The following IPO11 variants were observed in gnomAD, a reference collection of about 807,000 sequenced individuals.
The protein encoded by IPO11 is importin-11.
In IPO11, 66 loss-of-function variants were observed where a neutral mutation model predicts 143.2. The ratio of observed to expected loss-of-function variants is 0.46; its 90% CI spans 0.38 to 0.57. The LOEUF is 0.57. IPO11 is among the 20% of genes least tolerant of loss of function. The pLI, the probability that IPO11 is intolerant of heterozygous loss-of-function variation, is 0.00. For synonymous variants in IPO11, 385 were observed against 377.8 expected (o/e 1.02, Z -0.22); for missense variants, 1,026 against 1,141.0 (o/e 0.90, Z 1.45).
intron 7 of IPO11, among the ~76,000 whole-genome samples, chr5:62,473,270 A>T (rs1238574624): frequency 6.6e-6 from 1 of 152,162 alleles, no homozygotes; most frequent in Non-Finnish European, 1.5e-5. Flanking sequence ...ATAAAGGAAG[A>T]CTGGAAACAT....
intron 28 of IPO11, among the ~76,000 whole-genome samples, chr5:62,601,076 A>G (rs1237722695): frequency 6.6e-6 from 1 of 152,224 alleles, no homozygotes; most frequent in Non-Finnish European, 1.5e-5. Context: ...ATGCTGATAA[A>G]TTACTGAATT....
intron 20 of IPO11, among the ~76,000 whole-genome samples, chr5:62,525,711 A>G (rs1024542714): frequency 7.9e-5 from 12 of 152,166 alleles, no homozygotes; most frequent in Admixed American, 3.9e-4. Context: ...TGGCTTTTCA[A>G]TATTCTTGAA....
rs960028954 is a variant in IPO11 at position 62,418,163 on chromosome 5, G to T, written c.-7+5234G>T. On this transcript the variant is annotated intron_variant, in intron 1 of 29. Transcript: ENST00000325324. ...GCACTACCATGCCCACGCCTGCCTA[G>T]TTTTTTTTTTTTTTTCTTTGAGAGA... is the stretch of plus-strand genomic sequence containing the variant. Among the ~76,000 whole-genome samples, 873 of 144,398 alleles carry T rather than the reference G, an allele frequency of 6.0e-3. 2 individuals are homozygous for T. Among genetic ancestry groups the T allele is most frequent in the Non-Finnish European group, 9.2e-3 (602 of 65,784 alleles). The allele number at this position is 144,398 out of a possible 152,430, so 94.7% of individuals were successfully genotyped here. A position where few individuals can be genotyped will look rare whatever the true frequency, so the allele number is the denominator to read the frequency against.
chr5:62,443,166 G>C (rs1744560132), intron 3 of IPO11, 83 bp downstream of exon 3: 1 of 826,242 alleles, frequency 1.2e-6, no homozygotes, highest in African/African-American at 1.8e-5. Context: ...TTATGTAAAA[G>C]GATGTGTTAG....
intron 26 of IPO11, among the ~76,000 whole-genome samples, chr5:62,559,934 AAAAAAAAAG>A (rs1314168715): frequency 2.9e-4 from 41 of 141,912 alleles, no homozygotes; most frequent in East Asian, 7.8e-4. Flanking sequence ...AAAAAAAAAA[AAAAAAAAAG>A]AGAGAGAAAA....
chr5:62,576,733 T>C (rs2112394167), intron 27 of IPO11, among the ~76,000 whole-genome samples: 1 of 152,306 alleles, frequency 6.6e-6, no homozygotes, highest in East Asian at 1.9e-4. Context: ...TGGTGAGCTG[T>C]ACTCACATTG....
chr5:62,526,110 C>T, intron 20 of IPO11, 32 bp from the exon 21 acceptor site: 1 of 1,425,810 alleles, frequency 7.0e-7, no homozygotes, highest in East Asian at 2.3e-5. Flanking sequence ...ATTAGAGTGT[C>T]TTATTATAAG....
intron 7 of IPO11, among the ~76,000 whole-genome samples, chr5:62,471,429 A>G (rs1745770058): frequency 6.6e-6 from 1 of 152,168 alleles, no homozygotes. Flanking sequence ...TGTGATGGTT[A>G]TTTCATTTTA....
chr5:62,531,550 G>A (rs963510891), intron 22 of IPO11, among the ~76,000 whole-genome samples: 10 of 152,026 alleles, frequency 6.6e-5, no homozygotes, highest in Admixed American at 6.6e-4. Flanking sequence ...GGCTGGTCTC[G>A]AACTCCTGAC....
At chr5:62,460,676 AG>A (rs1341174607) in intron 5 of IPO11, among the ~76,000 whole-genome samples, 3 of 152,224 alleles carry the variant, frequency 2.0e-5, no homozygotes, top group African/African-American at 7.2e-5. Flanking sequence ...AACAGTCAGT[AG>A]GTGGCACTGT....
intron 27 of IPO11, chr5:62,580,260 A>G (rs1744499111): frequency 1.7e-5 from 27 of 1,543,982 alleles, no homozygotes; most frequent in Non-Finnish European, 2.2e-5. Flanking sequence ...GGTTTAGTGG[A>G]ATTAATAATC....
chr5:62,485,291 T>A, intron 11 of IPO11, 128 bp from the exon 12 acceptor site: 1 of 701,368 alleles, frequency 1.4e-6, no homozygotes, highest in Non-Finnish European at 2.5e-6. Flanking sequence ...AAGGCCTGTG[T>A]TCCCAAGGCT....
At chr5:62,617,331 T>G (rs1257236928) in intron 29 of IPO11, among the ~76,000 whole-genome samples, 1 of 152,240 alleles carries the variant, frequency 6.6e-6, no homozygotes, top group Non-Finnish European at 1.5e-5. Flanking sequence ...CTGAATCACC[T>G]GGTGTCCACA....
At chr5:62,436,555 A>G (rs1271644040) in intron 1 of IPO11, among the ~76,000 whole-genome samples, 2 of 152,246 alleles carry the variant, frequency 1.3e-5, no homozygotes, top group African/African-American at 4.8e-5. Context: ...GGGTGATTAG[A>G]AACAGAATCC....
intron 19 of IPO11, among the ~76,000 whole-genome samples, chr5:62,511,704 A>G (rs112241662): frequency 6.6e-6 from 1 of 152,194 alleles, no homozygotes; most frequent in South Asian, 2.1e-4. Flanking sequence ...AGTAGATAGT[A>G]GTGAAGCTAT....
intron 27 of IPO11, among the ~76,000 whole-genome samples, chr5:62,577,748 G>A (rs1290767187): frequency 6.6e-6 from 1 of 151,878 alleles, no homozygotes; most frequent in Non-Finnish European, 1.5e-5. Flanking sequence ...ATAATGCTAG[G>A]TATTATTTCA....
chr5:62,501,872 T>G (rs1333913120), intron 16 of IPO11, among the ~76,000 whole-genome samples: 1 of 152,172 alleles, frequency 6.6e-6, no homozygotes, highest in Admixed American at 6.5e-5. Flanking sequence ...TCTGCCTTAT[T>G]TACATTTTCC....
intron 12 of IPO11, among the ~76,000 whole-genome samples, chr5:62,485,747 A>G (rs1432704481): frequency 6.6e-6 from 1 of 151,850 alleles, no homozygotes; most frequent in African/African-American, 2.4e-5. Context: ...CTCTTCAGGA[A>G]TCTGAGGCAG....
intron 27 of IPO11, among the ~76,000 whole-genome samples, chr5:62,567,961 T>C (rs1450100476): frequency 1.3e-5 from 2 of 151,756 alleles, no homozygotes; most frequent in Admixed American, 6.6e-5. Context: ...ATTTTTCTCT[T>C]TTGATTGATT....
Sources: allele counts gnomAD v4.1 joint callset (sites outside exome capture counted in the v4.1 genomes callset), GRCh38; gene constraint gnomAD v4.1.1; transcripts MANE v1.5; gene names NCBI Gene and HGNC (gene_info 2026-07-23, HGNC 2026-07-21).